The following DLG2 variants were observed in gnomAD, a reference collection of about 807,000 sequenced individuals.
DLG2 encodes discs large MAGUK scaffold protein 2, also known as disks large homolog 2.
In DLG2, 45 loss-of-function variants were observed where a neutral mutation model predicts 132.5. The observed-to-expected ratio is 0.34, with a 90% CI of 0.27 to 0.44. The LOEUF (loss-of-function observed/expected upper bound fraction) is 0.44, where lower values mean the gene tolerates loss of function less well. DLG2 is among the 20% of genes least tolerant of loss of function. DLG2 has a pLI of 1.00. For synonymous variants in DLG2, 424 were observed against 419.6 expected, an observed-to-expected ratio of 1.01 and a Z score of -0.13; for missense variants, 1,045 against 1,196.9, an observed-to-expected ratio of 0.87 and a Z score of 1.87.
intron 3 of DLG2, among the ~76,000 whole-genome samples, chr11:85,408,595 GTCCA>G: frequency 7.4e-6 from 1 of 134,812 alleles, no homozygotes; most frequent in African/African-American, 2.8e-5. Context: ...CCCTTCCTGT[GTCCA>G]TGTGTTCTCA....
At chr11:83,834,749 T>C (rs1035017049) in intron 16 of DLG2, among the ~76,000 whole-genome samples, 1 of 152,224 alleles carries the variant, frequency 6.6e-6, no homozygotes, top group African/African-American at 2.4e-5. Context: ...TGAGTTTGTG[T>C]ACAGCTCAGA....
chr11:85,095,866 T>C (rs1001759605), intron 6 of DLG2, among the ~76,000 whole-genome samples: 1 of 152,126 alleles, frequency 6.6e-6, no homozygotes, highest in Non-Finnish European at 1.5e-5. Flanking sequence ...CCCAAATATA[T>C]CAAATTAATT....
intron 6 of DLG2, among the ~76,000 whole-genome samples, chr11:84,749,462 T>C (rs2065820907): frequency 6.6e-6 from 1 of 152,184 alleles, no homozygotes; most frequent in African/African-American, 2.4e-5. Context: ...ACCTTTTCTA[T>C]ATGTATATAT....
chr11:84,190,607 T>C (rs1597075279), intron 8 of DLG2, among the ~76,000 whole-genome samples: 2 of 152,208 alleles, frequency 1.3e-5, no homozygotes, highest in Admixed American at 1.3e-4. Flanking sequence ...TTTGAGAACA[T>C]GAAAATTCCT....
chr11:84,332,074 G>T (rs1319892855), intron 7 of DLG2, among the ~76,000 whole-genome samples: 1 of 152,042 alleles, frequency 6.6e-6, no homozygotes, highest in Admixed American at 6.6e-5. Flanking sequence ...TACAGCAAAG[G>T]GTATGCATCA....
intron 18 of DLG2, among the ~76,000 whole-genome samples, chr11:83,634,449 G>C (rs2064273068): frequency 6.6e-6 from 1 of 152,018 alleles, no homozygotes; most frequent in Non-Finnish European, 1.5e-5. Context: ...TCTTGCTTTA[G>C]AAAATTCAGC....
At chr11:84,015,606 G>C (rs576446359) in intron 11 of DLG2, among the ~76,000 whole-genome samples, 1 of 152,144 alleles carries the variant, frequency 6.6e-6, no homozygotes, top group Admixed American at 6.6e-5. Context: ...TTATCAGTCA[G>C]CTCCCAGTTA....
At chr11:84,795,234 C>T (rs114034317) in intron 6 of DLG2, among the ~76,000 whole-genome samples, 3,428 of 152,274 alleles carry the variant, frequency 0.023, 105 homozygotes, top group African/African-American at 0.07. Context: ...TGGGTCTCCT[C>T]TTTGCTTAGA....
At chr11:84,393,291 CATTCTT>C (rs1456040203) in intron 7 of DLG2, among the ~76,000 whole-genome samples, 1 of 152,060 alleles carries the variant, frequency 6.6e-6, no homozygotes, top group African/African-American at 2.4e-5. Context: ...CTTTTGGAAA[CATTCTT>C]ATTAGAAGAT....
At chr11:85,122,949 T>TTATATATATATTATATATATA (rs1555376285) in intron 5 of DLG2, among the ~76,000 whole-genome samples, 1 of 48,164 alleles carries the variant, frequency 2.1e-5, no homozygotes, top group African/African-American at 1.0e-4. Context: ...TGTATATATA[T>TTATATATATATTATATATATA]TATATATATA....
intron 6 of DLG2, among the ~76,000 whole-genome samples, chr11:84,893,860 A>G (rs1483122882): frequency 6.6e-6 from 1 of 152,194 alleles, no homozygotes; most frequent in Non-Finnish European, 1.5e-5. Flanking sequence ...TTGTTAGCTT[A>G]CAGCACTGTA....
chr11:85,062,645 T>G (rs953910195), intron 6 of DLG2, among the ~76,000 whole-genome samples: 1 of 151,720 alleles, frequency 6.6e-6, no homozygotes, highest in African/African-American at 2.4e-5. Context: ...TGCAAATTCA[T>G]GTTATTAACT....
chr11:85,498,666 C>T (rs2093724601), intron 3 of DLG2, among the ~76,000 whole-genome samples: 1 of 151,998 alleles, frequency 6.6e-6, no homozygotes, highest in African/African-American at 2.4e-5. Flanking sequence ...CTAAAATTGA[C>T]CACATAATTG....
intron 6 of DLG2, among the ~76,000 whole-genome samples, chr11:85,054,273 A>AG (rs2063228111): frequency 6.6e-6 from 1 of 152,020 alleles, no homozygotes; most frequent in African/African-American, 2.4e-5. Context: ...AAAAAAAAAA[A>AG]AAAGAAAGAA....
intron 6 of DLG2, among the ~76,000 whole-genome samples, chr11:84,952,789 A>AT (rs1169190524): frequency 6.6e-6 from 1 of 152,246 alleles, no homozygotes; most frequent in Non-Finnish European, 1.5e-5. Flanking sequence ...GAAAGGGTAC[A>AT]TTGAGGGTTG....
chr11:85,465,194 T>G (rs7938874), intron 3 of DLG2, among the ~76,000 whole-genome samples: 12,223 of 145,162 alleles, frequency 0.084, 616 homozygotes, highest in East Asian at 0.097. Context: ...CCAGGGTTAA[T>G]TGTCGTGGCA....
intron 3 of DLG2, among the ~76,000 whole-genome samples, chr11:85,583,332 T>TTTG (rs982387452): frequency 6.7e-6 from 1 of 148,260 alleles, no homozygotes; most frequent in Non-Finnish European, 1.5e-5. Context: ...TGACCAGCTT[T>TTTG]TTGTTGTTGT....
chr11:85,009,053 T>C (rs940028735), intron 6 of DLG2, among the ~76,000 whole-genome samples: 7 of 151,920 alleles, frequency 4.6e-5, no homozygotes, highest in African/African-American at 1.7e-4. Context: ...AATAGGCCTG[T>C]AGAACTGAAA....
rs545378019 is a variant in DLG2 at position 84,533,874 on chromosome 11, CA to C, written c.519+695del. On this transcript the variant is annotated intron_variant, in intron 7 of 27. Coordinates refer to ENST00000376104, the MANE Select transcript of DLG2 (RefSeq NM_001142699.3). ...ATCAACCTTTATAAGCTTTTTATCC[CA>C]AACACAAAATCCAGTAGCGCCAGTT... Among the ~76,000 whole-genome samples the C allele has an allele frequency of 1.4e-3, 156 of 107,910 alleles. 3 individuals are homozygous for C. The Admixed American group carries it at 0.018, about 13-fold the overall frequency. 70.8% of individuals were successfully genotyped at this position (107,910 alleles called of 152,430 possible).
Sources: gnomAD v4.1 joint callset for allele counts (sites outside exome capture counted in the v4.1 genomes callset) on GRCh38, gnomAD v4.1.1 for gene constraint, MANE v1.5 for transcripts, NCBI Gene and HGNC (gene_info 2026-07-23, HGNC 2026-07-21) for gene names.